Variants in RYR3 observed in about 807,000 individuals in gnomAD.
RYR3 encodes brain ryanodine receptor-calcium release channel.
In RYR3, 207 loss-of-function variants were observed where a neutral mutation model predicts 584.3. That is an observed-to-expected ratio of 0.35 (90% confidence interval 0.32 to 0.40). The LOEUF (loss-of-function observed/expected upper bound fraction) is 0.40. Among genes scored for constraint, RYR3 ranks in the 10% least tolerant of loss-of-function variants. The pLI is 1.00. For missense variants in RYR3, 5,616 were observed against 6,089.2 expected, an observed-to-expected ratio of 0.92 and a Z score of 2.59; for synonymous variants, 2,416 against 2,248.5, an observed-to-expected ratio of 1.07 and a Z score of -2.11.
At chr15:33,772,668 C>G (rs537549462) in intron 63 of RYR3, among the ~76,000 whole-genome samples, 1 of 152,274 alleles carries the variant, frequency 6.6e-6, no homozygotes, top group South Asian at 2.1e-4. Context: ...CCTCCTCCAG[C>G]CCCCTGTGCA....
intron 89 of RYR3, 30 bp from the exon 90 acceptor site, chr15:33,840,794 GA>G: frequency 6.2e-7 from 1 of 1,610,890 alleles, no homozygotes; most frequent in Non-Finnish European, 8.5e-7. Flanking sequence ...CTTCTTTGAG[GA>G]AAGCTTGACT....
chr15:33,536,608 C>T (rs1248447760), intron 5 of RYR3, among the ~76,000 whole-genome samples: 1 of 152,168 alleles, frequency 6.6e-6, no homozygotes. Flanking sequence ...CTCTTCAGGA[C>T]CCCCTTCATC....
intron 1 of RYR3, among the ~76,000 whole-genome samples, chr15:33,450,247 T>A (rs2047012835): frequency 6.6e-6 from 1 of 152,208 alleles, no homozygotes; most frequent in South Asian, 2.1e-4. Flanking sequence ...TTTTGTGTTG[T>A]CCTTAGAGAT....
chr15:33,722,252 G>A (rs1381980733), intron 43 of RYR3, among the ~76,000 whole-genome samples: 1 of 152,146 alleles, frequency 6.6e-6, no homozygotes, highest in Admixed American at 6.5e-5. Flanking sequence ...AAGTCCTTCT[G>A]TTCTCTGAGT....
Position 33,663,660 on chromosome 15 carries a change from C to T in RYR3, c.5542C>T (p.Leu1848Phe). Residue 1848 changes from leucine (L) to phenylalanine (F), a missense_variant, in exon 36 of 104, where the codon CTC (leucine) becomes TTC (phenylalanine). Around this residue, in one of 9 missense-constraint regions of RYR3, gnomAD observed 1,280 missense variants for 1,426.2 expected, o/e 0.90. Coordinates refer to ENST00000634891, the MANE Select transcript of RYR3 (RefSeq NM_001036.6). ...AAATCAGAAGTTCCGCTACAATGAGCTCATGCAGGCCCTGAACATGTCTGC... is the reference window on the plus strand; with the variant it reads ...AAATCAGAAGTTCCGCTACAATGAGTTCATGCAGGCCCTGAACATGTCTGC... ...QANQKFRYNELMQALNMSAAL... is the reference protein window; with the variant it reads ...QANQKFRYNEFMQALNMSAAL... 6.2e-7 allele frequency: 1 copy of T among 1,613,044 alleles called. No individual in the cohort carries two copies. The highest frequency in any genetic ancestry group is 1.1e-5 in the South Asian group (1 of 90,750).
chr15:33,864,041 G>C (rs1889509861), intron 102 of RYR3, 97 bp from the exon 103 acceptor site: 1 of 835,852 alleles, frequency 1.2e-6, no homozygotes, highest in Admixed American at 2.1e-5. Context: ...GATAGCGTGG[G>C]ACCAACTAGC....
At chr15:33,482,415 T>C (rs2050061601) in intron 2 of RYR3, among the ~76,000 whole-genome samples, 2 of 152,070 alleles carry the variant, frequency 1.3e-5, no homozygotes, top group African/African-American at 4.8e-5. Context: ...TTTGTTGTTG[T>C]TGTTGTTGTT....
Position 33,865,507 on chromosome 15 carries a change from TAGTTC to T in RYR3, c.*286_*290del, listed in dbSNP as rs149171962. The T allele has an allele frequency of 0.033, 12,007 of 360,622 alleles. 351 individuals are homozygous for T. The highest frequency in any genetic ancestry group is 0.038 in the Non-Finnish European group (7,548 of 198,102). 22.3% of individuals were successfully genotyped at this position (360,622 alleles called of 1,614,324 possible). On this transcript the variant is annotated 3_prime_UTR_variant, in exon 104 of 104. Transcript: ENST00000634891. Reference sequence around the variant, plus strand: ...TCAAGTTTTCCAGTTCTGAGGTAACTAGTTCAGTTTGTTGGGATGGAAGCATGAAG... The same window carrying T: ...TCAAGTTTTCCAGTTCTGAGGTAACTAGTTTGTTGGGATGGAAGCATGAAG...
At chr15:33,627,725 A>G (rs1024529476) in intron 20 of RYR3, among the ~76,000 whole-genome samples, 21 of 152,248 alleles carry the variant, frequency 1.4e-4, no homozygotes, top group South Asian at 1.2e-3. Flanking sequence ...GTGTTTTGAC[A>G]TGATTTTTTG....
At chr15:33,382,602 A>G (rs116059552) in intron 1 of RYR3, among the ~76,000 whole-genome samples, 2,085 of 152,204 alleles carry the variant, frequency 0.014, 44 homozygotes, top group African/African-American at 0.048. Context: ...GATTACAGAC[A>G]TGAGCCACCG....
intron 2 of RYR3, among the ~76,000 whole-genome samples, chr15:33,498,166 TG>T (rs1030503235): frequency 2.0e-5 from 3 of 152,216 alleles, no homozygotes; most frequent in Non-Finnish European, 4.4e-5. Flanking sequence ...GCAATAAGCA[TG>T]GGAGTGCAGA....
At chr15:33,818,491 G>A (rs1042727208) in intron 75 of RYR3, 87 bp from the exon 76 acceptor site, 14 of 919,684 alleles carry the variant, frequency 1.5e-5, no homozygotes, top group African/African-American at 3.3e-5. Flanking sequence ...TCTGTGCCTT[G>A]CGCTTTACCT....
chr15:33,584,658 CTTTA>C (rs2058754052), intron 15 of RYR3, among the ~76,000 whole-genome samples, 168 bp downstream of exon 15: 1 of 152,026 alleles, frequency 6.6e-6, no homozygotes, highest in Non-Finnish European at 1.5e-5. Context: ...ACCTGTACGA[CTTTA>C]TTTAACAACT....
At chr15:33,539,547 A>T (rs1323685181) in intron 6 of RYR3, 85 bp downstream of exon 6, 6 of 782,198 alleles carry the variant, frequency 7.7e-6, no homozygotes, top group African/African-American at 1.7e-5. Flanking sequence ...GAGCCACAGC[A>T]GGTTGGATAG....
chr15:33,636,659 A>C, intron 27 of RYR3, 109 bp downstream of exon 27: 3 of 991,162 alleles, frequency 3.0e-6, no homozygotes, highest in Non-Finnish European at 4.5e-6. Flanking sequence ...TGTCCTTTGC[A>C]TATTTGAAAA....
intron 1 of RYR3, among the ~76,000 whole-genome samples, chr15:33,466,782 T>C (rs2048523981): frequency 1.3e-5 from 2 of 152,244 alleles, no homozygotes; most frequent in South Asian, 2.1e-4. Context: ...GTAGTCGTTT[T>C]CAGAACATAC....
At chr15:33,759,766 C>A (rs1269028080) in intron 60 of RYR3, among the ~76,000 whole-genome samples, 1 of 152,106 alleles carries the variant, frequency 6.6e-6, no homozygotes, top group African/African-American at 2.4e-5. Flanking sequence ...CAAGACAGGC[C>A]AACATTCAAA....
intron 36 of RYR3, among the ~76,000 whole-genome samples, chr15:33,666,365 C>G (rs2063494347): frequency 6.6e-6 from 1 of 152,100 alleles, no homozygotes; most frequent in African/African-American, 2.4e-5. Flanking sequence ...GCATTTTTAG[C>G]AAGTTTTCAG....
At chr15:33,735,756 C>G (rs8037439) in intron 48 of RYR3, among the ~76,000 whole-genome samples, 5,701 of 152,188 alleles carry the variant, frequency 0.037, 384 homozygotes, top group African/African-American at 0.13. Context: ...ACAAATGATT[C>G]CAGTAGTGAG....
Sources: gnomAD v4.1 joint callset for allele counts (sites outside exome capture counted in the v4.1 genomes callset) on GRCh38, gnomAD v4.1.1 for gene constraint, gnomAD v4.1.1 regional missense constraint, MANE v1.5 for transcripts, NCBI Gene and HGNC (gene_info 2026-07-23, HGNC 2026-07-21) for gene names.